TFR2: variants seen among roughly 807,000 people sequenced by gnomAD.
The protein encoded by TFR2 is transferrin receptor protein 2.
In TFR2, 64 loss-of-function variants were observed where a neutral mutation model predicts 91.9. The observed-to-expected ratio is 0.70, with a 90% CI of 0.57 to 0.86. The LOEUF (loss-of-function observed/expected upper bound fraction) is 0.86, where lower values mean the gene tolerates loss of function less well. Ranked by LOEUF, TFR2 falls within the 40% of genes least tolerant of loss-of-function variation. The probability of loss-of-function intolerance (pLI) is 0.00; values close to 1 mark genes in which losing one functional copy is unlikely to be tolerated. For synonymous variants in TFR2, 454 were observed against 459.6 expected, an observed-to-expected ratio of 0.99 and a Z score of 0.15; for missense variants, 950 against 1,080.5, an observed-to-expected ratio of 0.88 and a Z score of 1.69.
Position 100,620,959 on chromosome 7 carries a change from C to T in TFR2, c.2304G>A (p.Gln768=), listed in dbSNP as rs1280606257. The T allele has an allele frequency of 1.2e-6, 2 of 1,613,388 alleles. No individual in the cohort carries two copies. Among genetic ancestry groups the T allele is most frequent in the African/African-American group, 1.3e-5 (1 of 74,926 alleles). ...TPGATSSTGF[Q]ESRFRRQLAL... is the part of the protein sequence containing the mutation. ...CTAGCTGACGCCGGAAACGGCTCTC[C>T]TGGAAGCCAGTGGAGGAGGTGGCCC... Residue 768 remains glutamine, a synonymous_variant, in exon 18 of 18, where the codon CAG becomes CAA. Transcript: ENST00000223051.
At chr7:100,636,582 ACT>A (rs1473991585) in intron 3 of TFR2, among the ~76,000 whole-genome samples, 1 of 151,448 alleles carries the variant, frequency 6.6e-6, no homozygotes, top group Non-Finnish European at 1.5e-5. Context: ...GGTGCTGGAG[ACT>A]CTGAGATAGA....
At chr7:100,627,132 G>T in intron 16 of TFR2, 132 bp downstream of exon 16, 1 of 1,253,742 alleles carries the variant, frequency 8.0e-7, no homozygotes, top group Non-Finnish European at 1.1e-6. Flanking sequence ...GAGACTGGAG[G>T]CAGGGGGTTA....
intron 17 of TFR2, among the ~76,000 whole-genome samples, chr7:100,625,147 T>C (rs58373924): frequency 2.5e-4 from 37 of 147,968 alleles, no homozygotes; most frequent in Non-Finnish European, 4.9e-4. Flanking sequence ...GCAACCTCCA[T>C]CTCCCAGGCT....
intron 3 of TFR2, among the ~76,000 whole-genome samples, chr7:100,635,460 T>TTA (rs1803557313): frequency 2.1e-5 from 2 of 95,826 alleles, no homozygotes; most frequent in African/African-American, 4.2e-5. Flanking sequence ...TATTATTATT[T>TTA]TTGACATGGA....
At chr7:100,631,666 A>G in intron 8 of TFR2, 140 bp downstream of exon 8, 1 of 1,088,914 alleles carries the variant, frequency 9.2e-7, no homozygotes, top group Non-Finnish European at 1.3e-6. Context: ...CCCAGGCTGG[A>G]GTGCAGTGGT....
At chr7:100,632,529 C>T (rs1196961344) in intron 6 of TFR2, among the ~76,000 whole-genome samples, 2 of 150,856 alleles carry the variant, frequency 1.3e-5, no homozygotes, top group African/African-American at 4.9e-5. Context: ...TCCCTCCCTC[C>T]CTCCCTTCTC....
chr7:100,640,920 C>T, intron 2 of TFR2, 48 bp from the exon 3 acceptor site: 1 of 1,613,700 alleles, frequency 6.2e-7, no homozygotes, highest in Non-Finnish European at 8.5e-7. Flanking sequence ...CCTCTGGACC[C>T]CAGAAATCTC....
intron 3 of TFR2, among the ~76,000 whole-genome samples, chr7:100,636,563 A>G (rs1389572514): frequency 6.6e-6 from 1 of 151,918 alleles, no homozygotes; most frequent in Non-Finnish European, 1.5e-5. Flanking sequence ...AGTGCCAGGC[A>G]TTGTGGTAGG....
chr7:100,636,856 C>T (rs577261868), intron 3 of TFR2, among the ~76,000 whole-genome samples: 18 of 152,054 alleles, frequency 1.2e-4, no homozygotes, highest in African/African-American at 4.1e-4. Flanking sequence ...CATCCTTGCT[C>T]TCTCCCCAAA....
At position 100,628,074 on chromosome 7, in the gene TFR2, C is replaced by T. The variant is rs1400463246; in HGVS notation, c.1536G>A (p.Leu512=). ...VVYVSLDNAV[L]GDDKFHAKTS... ...GGTGGTGGCACTGCCCCAGCTCACCCAGCACTGCGTTGTCCAGGCTCACGT... is the reference window on the plus strand; with the variant it reads ...GGTGGTGGCACTGCCCCAGCTCACCTAGCACTGCGTTGTCCAGGCTCACGT... Residue 512 remains leucine (L), a splice_region_variant and synonymous_variant, in exon 12 of 18, where the codon CTG becomes CTA. Transcript: ENST00000223051. The T allele has an allele frequency of 6.2e-7, 1 of 1,614,014 alleles. No individual in the cohort carries two copies. Among genetic ancestry groups the T allele is most frequent in the Non-Finnish European group, 8.5e-7 (1 of 1,180,012 alleles).
At chr7:100,624,011 G>A (rs1417027801) in intron 17 of TFR2, among the ~76,000 whole-genome samples, 9 of 151,704 alleles carry the variant, frequency 5.9e-5, no homozygotes, top group Non-Finnish European at 8.8e-5. Context: ...AGCCGGGATC[G>A]CGCCACTGCA....
In TFR2 at chr7:100,641,496, C is replaced by T. The variant is rs1803700194; in HGVS notation, c.14G>A (p.Trp5Ter). 2 of 1,613,890 alleles carry T rather than the reference C, an allele frequency of 1.2e-6. No individual in the cohort carries two copies. The highest frequency in any genetic ancestry group is 1.7e-6 in the Non-Finnish European group (2 of 1,179,926). Residue 5 changes from tryptophan to a stop codon, truncating the protein, a stop_gained, in exon 1 of 18, where the codon TGG becomes TAG. Transcript: ENST00000223051. LOFTEE classifies it high-confidence loss of function. MERL[W>*]GLFQRAQQLS... is the part of the protein sequence containing the mutation. ...TCTTACCGCTCTCTGGAATAGACCC[C>T]AAAGCCGCTCCATGCTTGTGTCCCC...
In TFR2 at chr7:100,628,315, A is replaced by G. The variant is rs763174124; in HGVS notation, c.1391-9T>C. The G allele has an allele frequency of 1.9e-6, 3 of 1,614,010 alleles. No individual in the cohort carries two copies. The highest frequency in any genetic ancestry group is 2.5e-6 in the Non-Finnish European group (3 of 1,179,906). On this transcript the variant is annotated splice_polypyrimidine_tract_variant and intron_variant, in intron 10 of 17. Transcript: ENST00000223051. ...TCTGCGGGGCCGGAAGCCTGGGGAC[A>G]GAGGGGAAGGAGGACAGGCTTAGCA...
chr7:100,641,437 G>T, intron 1 of TFR2, 40 bp downstream of exon 1: 1 of 1,612,790 alleles, frequency 6.2e-7, no homozygotes, highest in Non-Finnish European at 8.5e-7. Context: ...GGGACTTAGA[G>T]AGAAGGCCTA....
At position 100,626,785 on chromosome 7, in the gene TFR2, A is replaced by C. The variant is rs769082023; in HGVS notation, c.2114T>G (p.Met705Arg). ...CACCCGCATTATGCGCACGTTGTAC[A>C]TGCGTGTCAGTCGCTCGTCTCTCTC... The part of the protein sequence containing the change: ...SEERDERLTR[M>R]YNVRIMRVEF... Residue 705 changes from methionine (M) to arginine (R), a missense_variant, in exon 17 of 18, where the codon ATG becomes AGG. Met to Arg is a moderately conservative substitution (Grantham distance 91). Coordinates refer to ENST00000223051, the MANE Select transcript of TFR2 (RefSeq NM_003227.4). 3 of 1,547,356 alleles carry C rather than the reference A, an allele frequency of 1.9e-6. No individual in the cohort carries two copies. Among genetic ancestry groups the C allele is most frequent in the Non-Finnish European group, 2.6e-6 (3 of 1,146,878 alleles).
At chr7:100,629,120 G>T in intron 10 of TFR2, 133 bp downstream of exon 10, 1 of 1,208,582 alleles carries the variant, frequency 8.3e-7, no homozygotes, top group Non-Finnish European at 1.2e-6. Context: ...GGGCCACTCA[G>T]GTACAATGTG....
chr7:100,626,574 T>A (rs1435756005), intron 17 of TFR2, 189 bp downstream of exon 17: 5 of 1,416,156 alleles, frequency 3.5e-6, no homozygotes, highest in Non-Finnish European at 4.6e-6. Context: ...ATCACTTTGA[T>A]CGCTCGGGTC....
chr7:100,625,570 A>C (rs1464871606), intron 17 of TFR2, among the ~76,000 whole-genome samples: 1 of 152,096 alleles, frequency 6.6e-6, no homozygotes, highest in Admixed American at 6.6e-5. Flanking sequence ...AGAAGAATGA[A>C]TGGAGAAAGA....
Position 100,631,010 on chromosome 7 carries a change from G to A in TFR2, c.1149C>T (p.Ser383=), listed in dbSNP as rs757050571. ...GPVAPQEWQG[S]LLGSPYHLGP... Reference sequence around the variant, plus strand: ...CCAGGTGATAAGGGGAGCCTAGGAGGCTCCCCTGCCATTCTTGGGGGGCCA... The same window carrying A: ...CCAGGTGATAAGGGGAGCCTAGGAGACTCCCCTGCCATTCTTGGGGGGCCA... The change falls in exon 9 of 18, where the codon AGC becomes AGT. Residue 383 remains serine, a synonymous_variant. Coordinates refer to ENST00000223051, the MANE Select transcript of TFR2 (RefSeq NM_003227.4). The A allele has an allele frequency of 7.7e-5, 118 of 1,523,816 alleles. No homozygotes were observed. Among genetic ancestry groups the A allele is most frequent in the Non-Finnish European group, 9.9e-5 (113 of 1,142,276 alleles). The allele number at this position is 1,523,816 out of a possible 1,614,324, so 94.4% of individuals were successfully genotyped here. A position where few individuals can be genotyped will look rare whatever the true frequency, so the allele number is the denominator to read the frequency against.
Sources: gnomAD v4.1 joint callset for allele counts (sites outside exome capture counted in the v4.1 genomes callset) on GRCh38, gnomAD v4.1.1 for gene constraint, MANE v1.5 for transcripts, NCBI Gene and HGNC (gene_info 2026-07-23, HGNC 2026-07-21) for gene names.